PRKAR1B: variants seen among roughly 807,000 people sequenced by gnomAD.
PRKAR1B encodes the protein protein kinase cAMP-dependent type I regulatory subunit beta, also known as cAMP-dependent protein kinase type I-beta regulatory subunit.
Under a neutral mutation model 46.5 loss-of-function variants are expected in PRKAR1B, and 22 were observed. The observed-to-expected ratio is 0.47, with a 90% CI of 0.34 to 0.68. The LOEUF (loss-of-function observed/expected upper bound fraction) is 0.68, where lower values mean the gene tolerates loss of function less well. Among genes scored for constraint, PRKAR1B ranks in the 30% least tolerant of loss-of-function variants. The probability of loss-of-function intolerance (pLI) is 0.01; values close to 1 mark genes in which losing one functional copy is unlikely to be tolerated. For missense variants in PRKAR1B, 445 were observed against 535.6 expected, an observed-to-expected ratio of 0.83 and a Z score of 1.67; for synonymous variants, 259 against 217.7, an observed-to-expected ratio of 1.19 and a Z score of -1.67.
intron 1 of PRKAR1B, among the ~76,000 whole-genome samples, chr7:722,412 T>C (rs1781107035): frequency 6.7e-6 from 1 of 150,216 alleles, no homozygotes. Context: ...AATTTTTCTA[T>C]TTTTAGTAGA....
At chr7:596,878 C>G (rs1347866181) in intron 6 of PRKAR1B, among the ~76,000 whole-genome samples, 1 of 152,280 alleles carries the variant, frequency 6.6e-6, no homozygotes, top group Non-Finnish European at 1.5e-5. Context: ...GGCCTCCCTC[C>G]CTACAGGCAG....
intron 8 of PRKAR1B, among the ~76,000 whole-genome samples, chr7:583,580 TTG>T (rs1780399102): frequency 8.4e-6 from 1 of 118,528 alleles, no homozygotes; most frequent in African/African-American, 4.4e-5. Flanking sequence ...GCACACACAC[TTG>T]CACACTCCCA....
At chr7:684,197 C>A (rs890321264) in intron 2 of PRKAR1B, among the ~76,000 whole-genome samples, 1 of 152,220 alleles carries the variant, frequency 6.6e-6, no homozygotes, top group Non-Finnish European at 1.5e-5. Context: ...TCCACGTGCA[C>A]CAATGCCCAC....
In PRKAR1B at chr7:667,402, G is replaced by A. The variant is rs564073211; in HGVS notation, c.440+9827C>T. 2.0e-5 allele frequency among the ~76,000 whole-genome samples: 3 copies of A among 152,286 alleles called. No homozygotes were observed. The highest frequency in any genetic ancestry group is 7.2e-5 in the African/African-American group (3 of 41,550). ...CCACAACTCTCTCCTTCCAAAAGAT[G>A]TTTTAAACACACCTTAAATTCTGTG... On this transcript the variant is annotated intron_variant, in intron 4 of 10. Coordinates refer to ENST00000537384, the MANE Select transcript of PRKAR1B (RefSeq NM_001164760.2). The surrounding 1 kb of genome is among the most constrained non-coding windows in gnomAD (Gnocchi z 4.3).
rs1785935295 is a variant in PRKAR1B at position 666,457 on chromosome 7, C to G, written c.440+10772G>C. 6.6e-6 allele frequency among the ~76,000 whole-genome samples: 1 copy of G among 152,218 alleles called. No homozygotes were observed. Among genetic ancestry groups the G allele is most frequent in the Non-Finnish European group, 1.5e-5 (1 of 68,028 alleles). ...ATCTGCTTCGCTCCAATAGCTGACA[C>G]AAGGTGAGAAGGCTGCACCTACCAC... On this transcript the variant is annotated intron_variant, in intron 4 of 10. Transcript: ENST00000537384. This position sits in a 1 kb window ranked among gnomAD's most constrained non-coding sequence, Gnocchi z 4.9.
At chr7:582,409 G>A (rs778063520) in intron 8 of PRKAR1B, among the ~76,000 whole-genome samples, 23 of 152,260 alleles carry the variant, frequency 1.5e-4, no homozygotes, top group Non-Finnish European at 3.1e-4. Flanking sequence ...TGCCTGCGGA[G>A]ACACCGCCCC....
intron 9 of PRKAR1B, chr7:579,005 G>T: frequency 1.0e-6 from 1 of 983,844 alleles, no homozygotes; most frequent in Non-Finnish European, 1.2e-6. Context: ...TTTATCACAC[G>T]TGCAGCTCAG....
At chr7:705,883 G>A (rs755501281) in intron 2 of PRKAR1B, among the ~76,000 whole-genome samples, 6 of 152,088 alleles carry the variant, frequency 3.9e-5, no homozygotes, top group Admixed American at 6.6e-5. Flanking sequence ...AAAATTAGCC[G>A]GGCGTGGTGG....
At chr7:608,929 GT>G (rs1782299813) in intron 4 of PRKAR1B, among the ~76,000 whole-genome samples, 1 of 29,418 alleles carries the variant, frequency 3.4e-5, no homozygotes, top group Admixed American at 3.5e-4. Context: ...AGGGGTCAGT[GT>G]GTGGCAGGGC....
At chr7:681,328 A>T (rs1043190278) in intron 2 of PRKAR1B, among the ~76,000 whole-genome samples, 1 of 151,932 alleles carries the variant, frequency 6.6e-6, no homozygotes, top group East Asian at 1.9e-4. Flanking sequence ...CTCTATAAAA[A>T]AAAAAAAAAA....
chr7:705,408 T>G (rs908003810), intron 2 of PRKAR1B, among the ~76,000 whole-genome samples: 1 of 151,812 alleles, frequency 6.6e-6, no homozygotes, highest in African/African-American at 2.4e-5. Context: ...TATCAAAGGC[T>G]GCCGATACTG....
At chr7:645,238 G>A (rs556139587) in intron 4 of PRKAR1B, among the ~76,000 whole-genome samples, 3 of 152,212 alleles carry the variant, frequency 2.0e-5, no homozygotes, top group Non-Finnish European at 4.4e-5. Flanking sequence ...GAAAGGAGCA[G>A]AGAGAGCCGA....
chr7:670,692 G>A (rs1786196497), intron 4 of PRKAR1B, among the ~76,000 whole-genome samples: 2 of 149,828 alleles, frequency 1.3e-5, no homozygotes, highest in Non-Finnish European at 3.0e-5. Context: ...GACGGCCTCC[G>A]AGCTCCCCCA....
intron 9 of PRKAR1B, among the ~76,000 whole-genome samples, chr7:561,076 G>A (rs1052913851): frequency 2.6e-5 from 4 of 151,588 alleles, no homozygotes; most frequent in African/African-American, 4.9e-5. Flanking sequence ...AAACACCTGC[G>A]CACACACACA....
chr7:727,423 C>T, upstream of PRKAR1B: 1 of 476,998 alleles, frequency 2.1e-6, no homozygotes. Flanking sequence ...CCCCCCTCCA[C>T]GCCCGCACCC....
Position 714,965 on chromosome 7 carries a change from C to T in PRKAR1B, c.-22-3438G>A, listed in dbSNP as rs1240596822. ...CTTTGGGAGGCCGAGGCAGGTGGGT[C>T]ACTGGAGGTCAGGAGTTCAAGACCA... is the stretch of plus-strand genomic sequence containing the variant. On this transcript the variant is annotated intron_variant, in intron 1 of 10. Coordinates refer to ENST00000537384, the MANE Select transcript of PRKAR1B (RefSeq NM_001164760.2). This position sits in a 1 kb window ranked among gnomAD's most constrained non-coding sequence, Gnocchi z 4.3. Among the ~76,000 whole-genome samples the T allele has an allele frequency of 6.6e-6, 1 of 152,116 alleles. No individual in the cohort carries two copies. Among genetic ancestry groups the T allele is most frequent in the Non-Finnish European group, 1.5e-5 (1 of 68,024 alleles).
chr7:665,619 T>C (rs1792682668), intron 4 of PRKAR1B, among the ~76,000 whole-genome samples: 1 of 152,242 alleles, frequency 6.6e-6, no homozygotes. Flanking sequence ...TCTTTGCATG[T>C]TCAAGCCATT....
At chr7:612,573 C>A (rs545618504) in intron 4 of PRKAR1B, among the ~76,000 whole-genome samples, 1 of 151,716 alleles carries the variant, frequency 6.6e-6, no homozygotes, top group South Asian at 2.1e-4. Context: ...GTGGATGGAC[C>A]GACAGATGAT....
chr7:576,817 C>G (rs1779861451), intron 9 of PRKAR1B, among the ~76,000 whole-genome samples: 1 of 152,094 alleles, frequency 6.6e-6, no homozygotes, highest in African/African-American at 2.4e-5. Context: ...CTGAATGTGC[C>G]CCTCAGGGAA....
Sources: gnomAD v4.1 joint callset for allele counts (sites outside exome capture counted in the v4.1 genomes callset) on GRCh38, gnomAD v4.1.1 for gene constraint, Gnocchi (gnomAD v3.1) non-coding constraint, MANE v1.5 for transcripts, NCBI Gene and HGNC (gene_info 2026-07-23, HGNC 2026-07-21) for gene names.